The following PDE4B variants were observed in gnomAD, a reference collection of about 807,000 sequenced individuals.
PDE4B encodes the protein phosphodiesterase 4B, also known as 3',5'-cyclic-AMP phosphodiesterase 4B.
In PDE4B, 20 loss-of-function variants were observed where a neutral mutation model predicts 82.2. The ratio of observed to expected loss-of-function variants is 0.24; its 90% CI spans 0.17 to 0.35. PDE4B has a LOEUF of 0.35. PDE4B is among the 10% of genes least tolerant of loss of function. PDE4B has a pLI of 1.00. For synonymous variants in PDE4B, 320 were observed against 318.9 expected, an observed-to-expected ratio of 1.00 and a Z score of -0.04; for missense variants, 655 against 907.2, an observed-to-expected ratio of 0.72 and a Z score of 3.57.
At chr1:65,877,616 AAAATAAATAAATAAAT>A (rs58204108) in intron 1 of PDE4B, among the ~76,000 whole-genome samples, 7 of 147,728 alleles carry the variant, frequency 4.7e-5, no homozygotes, top group South Asian at 2.2e-4. Flanking sequence ...CTCTGTCTAA[AAAATAAATAAATAAAT>A]AAATAAATAA....
At chr1:66,265,365 G>T (rs904416364) in intron 6 of PDE4B, among the ~76,000 whole-genome samples, 1 of 152,112 alleles carries the variant, frequency 6.6e-6, no homozygotes, top group Non-Finnish European at 1.5e-5. Context: ...GAAAGGTTAG[G>T]GGCAGAGAAA....
At chr1:65,822,345 G>C (rs1645962655) in intron 1 of PDE4B, among the ~76,000 whole-genome samples, 1 of 152,072 alleles carries the variant, frequency 6.6e-6, no homozygotes, top group Non-Finnish European at 1.5e-5. Context: ...CATCTTTAGT[G>C]CATATATCTA....
At chr1:66,217,509 T>G (rs1464891746) in intron 3 of PDE4B, among the ~76,000 whole-genome samples, 1 of 152,108 alleles carries the variant, frequency 6.6e-6, no homozygotes, top group East Asian at 1.9e-4. Context: ...CTCTTTTTGA[T>G]GTCTCCTGTT....
chr1:65,940,934 A>G (rs1039225974), intron 3 of PDE4B, among the ~76,000 whole-genome samples: 1 of 152,108 alleles, frequency 6.6e-6, no homozygotes, highest in African/African-American at 2.4e-5. Flanking sequence ...AAGTACAGAA[A>G]ATAATTTCAT....
At chr1:66,300,689 G>C (rs990597599) in intron 7 of PDE4B, among the ~76,000 whole-genome samples, 3 of 152,148 alleles carry the variant, frequency 2.0e-5, no homozygotes, top group Non-Finnish European at 4.4e-5. Flanking sequence ...ATTGGACGCA[G>C]ACCCTGAACT....
chr1:65,874,973 T>G (rs1337477082), intron 1 of PDE4B, among the ~76,000 whole-genome samples: 1 of 150,962 alleles, frequency 6.6e-6, no homozygotes, highest in East Asian at 1.9e-4. Context: ...ACCAAAGAGC[T>G]TCTGCACAGC....
chr1:66,178,030 T>TAAA (rs200574451), intron 3 of PDE4B, among the ~76,000 whole-genome samples: 28 of 141,898 alleles, frequency 2.0e-4, no homozygotes, highest in African/African-American at 6.9e-4. Context: ...TACTATTCCT[T>TAAA]AAAAAAAAAA....
At chr1:65,838,321 TGGA>T (rs1395541485) in intron 1 of PDE4B, among the ~76,000 whole-genome samples, 2 of 151,992 alleles carry the variant, frequency 1.3e-5, no homozygotes, top group East Asian at 1.9e-4. Flanking sequence ...CCCTTGCTTG[TGGA>T]GGAGGACAGA....
At chr1:66,095,336 A>C (rs570657538) in intron 3 of PDE4B, among the ~76,000 whole-genome samples, 1 of 152,048 alleles carries the variant, frequency 6.6e-6, no homozygotes, top group African/African-American at 2.4e-5. Flanking sequence ...TGTAGAGAGA[A>C]ATAAATGATG....
At chr1:66,080,780 G>T (rs778025021) in intron 3 of PDE4B, among the ~76,000 whole-genome samples, 1 of 152,026 alleles carries the variant, frequency 6.6e-6, no homozygotes, top group Non-Finnish European at 1.5e-5. Flanking sequence ...AGAATTGTGG[G>T]TCCATGTGCA....
chr1:65,881,672 C>T (rs1646710309), intron 1 of PDE4B, among the ~76,000 whole-genome samples: 1 of 152,202 alleles, frequency 6.6e-6, no homozygotes, highest in Non-Finnish European at 1.5e-5. Context: ...TGTGCCTTCT[C>T]AGTTCCCTTT....
intron 3 of PDE4B, among the ~76,000 whole-genome samples, chr1:65,942,252 C>G (rs1648485380): frequency 6.6e-6 from 1 of 151,956 alleles, no homozygotes; most frequent in Non-Finnish European, 1.5e-5. Flanking sequence ...TTTTTACACT[C>G]CATATATAAG....
intron 1 of PDE4B, among the ~76,000 whole-genome samples, chr1:65,810,919 G>A (rs1196357326): frequency 6.6e-6 from 1 of 152,184 alleles, no homozygotes; most frequent in East Asian, 1.9e-4. Flanking sequence ...AATACGTTAG[G>A]GTTTCTCAAC....
intron 3 of PDE4B, among the ~76,000 whole-genome samples, chr1:66,106,659 G>T (rs891235451): frequency 4.0e-5 from 6 of 151,862 alleles, no homozygotes; most frequent in African/African-American, 1.5e-4. Flanking sequence ...TTCCTGGTTT[G>T]GTCTTGGGAG....
chr1:66,146,541 C>G (rs1646277039), intron 3 of PDE4B, among the ~76,000 whole-genome samples: 3 of 152,084 alleles, frequency 2.0e-5, no homozygotes, highest in Admixed American at 2.0e-4. Flanking sequence ...GGATGAGCAG[C>G]TAAACAGTTA....
At chr1:66,160,044 G>A (rs1179293012) in intron 3 of PDE4B, among the ~76,000 whole-genome samples, 1 of 152,214 alleles carries the variant, frequency 6.6e-6, no homozygotes, top group Non-Finnish European at 1.5e-5. Flanking sequence ...GCTGGCCAGA[G>A]GAGTTGTCTG....
At chr1:66,325,210 A>G (rs1473775030) in intron 7 of PDE4B, among the ~76,000 whole-genome samples, 1 of 152,246 alleles carries the variant, frequency 6.6e-6, no homozygotes, top group Non-Finnish European at 1.5e-5. Context: ...CAGGGCTAGA[A>G]GCTTGTGAAT....
rs113999062 is a variant in PDE4B at position 65,970,537 on chromosome 1, A to G, written c.281+51702A>G. Among the ~76,000 whole-genome samples the G allele has an allele frequency of 4.6e-3, 704 of 152,278 alleles. 5 individuals carry two copies. Among genetic ancestry groups the G allele is most frequent in the African/African-American group, 0.017 (686 of 41,556 alleles). ...TGATTTGGTAAGGACTTAAAATATA[A>G]AGATTAAGACATGAGCCATATTCTC... On this transcript the variant is annotated intron_variant, in intron 3 of 16. Coordinates refer to ENST00000341517, the MANE Select transcript of PDE4B (RefSeq NM_002600.4).
chr1:66,239,248 G>A (rs559379478), intron 3 of PDE4B, among the ~76,000 whole-genome samples: 67 of 152,214 alleles, frequency 4.4e-4, no homozygotes, highest in African/African-American at 1.6e-3. Context: ...GGAAAATATT[G>A]AGCGAGTAGA....
Sources: allele counts gnomAD v4.1 joint callset (sites outside exome capture counted in the v4.1 genomes callset), GRCh38; gene constraint gnomAD v4.1.1; transcripts MANE v1.5; gene names NCBI Gene and HGNC (gene_info 2026-07-23, HGNC 2026-07-21).